The following FBXL17 variants were observed in gnomAD, a reference collection of about 807,000 sequenced individuals.
FBXL17 encodes the protein F-box/LRR-repeat protein 17.
A neutral mutation model predicts 66.2 loss-of-function variants in FBXL17; 22 were observed. The observed-to-expected ratio is 0.33, with a 90% CI of 0.24 to 0.47. The LOEUF (loss-of-function observed/expected upper bound fraction) is 0.47, where lower values mean the gene tolerates loss of function less well. Among genes scored for constraint, FBXL17 ranks in the 20% least tolerant of loss-of-function variants. The pLI is 1.00. For missense variants in FBXL17, 878 were observed against 948.2 expected, an observed-to-expected ratio of 0.93 and a Z score of 0.97; for synonymous variants, 474 against 400.5, an observed-to-expected ratio of 1.18 and a Z score of -2.19.
At chr5:108,126,782 A>T (rs1580479175) in intron 6 of FBXL17, among the ~76,000 whole-genome samples, 2 of 151,360 alleles carry the variant, frequency 1.3e-5, no homozygotes, top group African/African-American at 2.4e-5. Context: ...ACAGCACAAT[A>T]TTTTTGATAA....
rs181794126 is a variant in FBXL17, at chr5:108,350,714, A to G, written c.1375-2184T>C. 3.9e-3 allele frequency among the ~76,000 whole-genome samples: 595 copies of G among 152,338 alleles called. 6 individuals are homozygous for G. Among genetic ancestry groups the G allele is most frequent in the Middle Eastern group, 0.01 (3 of 294 alleles). The stretch of plus-strand genomic sequence containing the variant: ...GAAGATAAATTATTTCTAACCCAGA[A>G]TTCTGTACTCGGGATTCAGATTATG... On this transcript the variant is annotated intron_variant, in intron 3 of 8. Transcript: ENST00000542267.
In FBXL17 at chr5:108,195,099, G is replaced by A. The variant is rs530625681; in HGVS notation, c.1615-8852C>T. On this transcript the variant is annotated intron_variant, in intron 5 of 8. Coordinates refer to ENST00000542267, the MANE Select transcript of FBXL17 (RefSeq NM_001163315.3). The stretch of plus-strand genomic sequence containing the variant: ...CTCCAGCTGATAAAAATACAGCAGA[G>A]AACAAAAAAGCAAAAATCTCAGTCC... Among the ~76,000 whole-genome samples the A allele has an allele frequency of 5.3e-5, 8 of 152,070 alleles. No individual in the cohort carries two copies. The East Asian group carries it at 1.5e-3, about 29-fold the overall frequency.
intron 6 of FBXL17, among the ~76,000 whole-genome samples, chr5:108,022,922 C>T (rs960528189): frequency 4.6e-5 from 7 of 151,954 alleles, no homozygotes; most frequent in Non-Finnish European, 8.8e-5. Context: ...CAGGTTTCCC[C>T]GCTATTCACA....
intron 6 of FBXL17, among the ~76,000 whole-genome samples, chr5:108,094,279 T>C (rs1344959604): frequency 1.3e-5 from 2 of 152,150 alleles, no homozygotes; most frequent in African/African-American, 2.4e-5. Flanking sequence ...GCACAAATTA[T>C]GAAATCATCA....
At chr5:107,905,639 A>G (rs1185655656) in intron 7 of FBXL17, among the ~76,000 whole-genome samples, 2 of 152,200 alleles carry the variant, frequency 1.3e-5, no homozygotes, top group Non-Finnish European at 2.9e-5. Flanking sequence ...CTGAGCATAC[A>G]TATGATCACA....
At chr5:108,144,193 G>GTT (rs1751470481) in intron 6 of FBXL17, among the ~76,000 whole-genome samples, 1 of 152,122 alleles carries the variant, frequency 6.6e-6, no homozygotes, top group Non-Finnish European at 1.5e-5. Context: ...AAACCAAGGA[G>GTT]AAGACTGTTT....
At chr5:107,993,373 T>C (rs1307849912) in intron 7 of FBXL17, among the ~76,000 whole-genome samples, 1 of 152,194 alleles carries the variant, frequency 6.6e-6, no homozygotes, top group Non-Finnish European at 1.5e-5. Context: ...AATTTGTGAG[T>C]CTATTAAACA....
intron 4 of FBXL17, among the ~76,000 whole-genome samples, chr5:108,262,066 A>AT (rs1164308201): frequency 1.4e-4 from 19 of 134,058 alleles, no homozygotes; most frequent in African/African-American, 4.5e-4. Context: ...TTATTTATTT[A>AT]TTTATTTATT....
At chr5:108,190,090 A>G (rs572669127) in intron 5 of FBXL17, among the ~76,000 whole-genome samples, 1 of 152,320 alleles carries the variant, frequency 6.6e-6, no homozygotes, top group South Asian at 2.1e-4. Flanking sequence ...CTAAACTTGT[A>G]GTAATTTGTT....
At chr5:108,227,976 T>A (rs1285798646) in intron 4 of FBXL17, among the ~76,000 whole-genome samples, 1 of 152,190 alleles carries the variant, frequency 6.6e-6, no homozygotes, top group Non-Finnish European at 1.5e-5. Context: ...GTTTTTCCTA[T>A]ATCCATCTTC....
intron 4 of FBXL17, among the ~76,000 whole-genome samples, chr5:108,346,214 A>G (rs1237237995): frequency 6.6e-6 from 1 of 152,142 alleles, no homozygotes; most frequent in African/African-American, 2.4e-5. Flanking sequence ...TCCAATAAAG[A>G]GTTCAAATTA....
chr5:108,047,745 G>A (rs2112815573), intron 6 of FBXL17, among the ~76,000 whole-genome samples: 2 of 152,276 alleles, frequency 1.3e-5, no homozygotes, highest in South Asian at 4.1e-4. Flanking sequence ...CCTCCCTGCA[G>A]GAACTCCAAC....
chr5:107,981,625 G>T (rs752420554), intron 7 of FBXL17, among the ~76,000 whole-genome samples: 21 of 152,264 alleles, frequency 1.4e-4, no homozygotes, highest in Non-Finnish European at 2.4e-4. Context: ...CTGCCCAGAA[G>T]AAAGCATTTT....
chr5:107,977,062 T>C (rs542547683), intron 7 of FBXL17, among the ~76,000 whole-genome samples: 1 of 152,182 alleles, frequency 6.6e-6, no homozygotes, highest in Non-Finnish European at 1.5e-5. Context: ...CTTGCCACTA[T>C]TATGGGGCAA....
rs1329937331 is a variant in FBXL17, at chr5:108,296,675, G to A, written c.1506+51724C>T. The stretch of plus-strand genomic sequence containing the variant: ...AAGAACACACATTTTTAATATCTTC[G>A]AAACCATGAAATGTCATTTCATATT... On this transcript the variant is annotated intron_variant, in intron 4 of 8. Transcript: ENST00000542267. Among the ~76,000 whole-genome samples, 10 of 151,594 alleles carry A rather than the reference G, an allele frequency of 6.6e-5. No individual in the cohort carries two copies. The East Asian group carries it at 1.7e-3, about 26-fold the overall frequency.
At chr5:107,893,433 A>C (rs1315582867) in intron 7 of FBXL17, among the ~76,000 whole-genome samples, 1 of 152,190 alleles carries the variant, frequency 6.6e-6, no homozygotes, top group Non-Finnish European at 1.5e-5. Flanking sequence ...TATCACTTAC[A>C]TGGACCTATA....
intron 5 of FBXL17, among the ~76,000 whole-genome samples, chr5:108,221,869 C>A (rs1158234413): frequency 6.6e-6 from 1 of 152,148 alleles, no homozygotes; most frequent in Admixed American, 6.5e-5. Context: ...AGAACCGATG[C>A]ATGTATAAAA....
intron 4 of FBXL17, among the ~76,000 whole-genome samples, chr5:108,242,329 G>A (rs1293732727): frequency 6.6e-6 from 1 of 151,530 alleles, no homozygotes; most frequent in African/African-American, 2.4e-5. Flanking sequence ...CTAAAGGCAG[G>A]TGCCACCATG....
intron 6 of FBXL17, among the ~76,000 whole-genome samples, chr5:108,122,786 A>G (rs1750554026): frequency 6.6e-6 from 1 of 152,184 alleles, no homozygotes; most frequent in South Asian, 2.1e-4. Flanking sequence ...AACTGCCCAG[A>G]CAGCACTGCC....
Sources: allele counts gnomAD v4.1 joint callset (sites outside exome capture counted in the v4.1 genomes callset), GRCh38; gene constraint gnomAD v4.1.1; transcripts MANE v1.5; gene names NCBI Gene and HGNC (gene_info 2026-07-23, HGNC 2026-07-21).